Variants in ASIC2 observed in about 807,000 individuals in gnomAD.
The protein encoded by ASIC2 is acid-sensing ion channel 2.
In ASIC2, 25 loss-of-function variants were observed where a neutral mutation model predicts 57.3. The observed-to-expected ratio is 0.44, with a 90% confidence interval of 0.32 to 0.61. ASIC2 has a LOEUF of 0.61. ASIC2 is among the 20% of genes least tolerant of loss of function. The pLI is 0.06. For synonymous variants in ASIC2, 319 were observed against 307.5 expected (o/e 1.04, Z -0.39); for missense variants, 641 against 738.1 (o/e 0.87, Z 1.52).
At chr17:33,951,757 A>T (rs1172625164) in intron 1 of ASIC2, among the ~76,000 whole-genome samples, 25 of 135,606 alleles carry the variant, frequency 1.8e-4, no homozygotes, top group Non-Finnish European at 2.4e-4. Context: ...TAATTTTTGT[A>T]TTTTTTTTTT....
intron 1 of ASIC2, among the ~76,000 whole-genome samples, chr17:34,060,418 A>C (rs1286325624): frequency 6.6e-6 from 1 of 152,228 alleles, no homozygotes; most frequent in African/African-American, 2.4e-5. Context: ...CAACTCTGGT[A>C]ATATGACAAA....
intron 1 of ASIC2, among the ~76,000 whole-genome samples, chr17:33,322,890 G>A (rs1906924874): frequency 6.6e-6 from 1 of 152,186 alleles, no homozygotes; most frequent in Admixed American, 6.5e-5. Context: ...ATGAGCTGAT[G>A]TGTGTACAGT....
At chr17:33,130,214 T>C (rs2092340240) in intron 1 of ASIC2, among the ~76,000 whole-genome samples, 1 of 152,120 alleles carries the variant, frequency 6.6e-6, no homozygotes, top group Admixed American at 6.5e-5. Flanking sequence ...TGCAGGTCAA[T>C]GTACATGAAT....
intron 1 of ASIC2, among the ~76,000 whole-genome samples, chr17:33,585,225 G>A (rs1232923617): frequency 6.6e-6 from 1 of 152,160 alleles, no homozygotes; most frequent in Non-Finnish European, 1.5e-5. Context: ...CTTGAATCAG[G>A]GCAAGAGCCA....
chr17:33,235,382 G>A (rs1908254980), intron 1 of ASIC2, among the ~76,000 whole-genome samples: 1 of 152,206 alleles, frequency 6.6e-6, no homozygotes, highest in Non-Finnish European at 1.5e-5. Flanking sequence ...GACCAGGCCA[G>A]AGGAGAGCTG....
At chr17:33,336,469 C>A (rs1474821092) in intron 1 of ASIC2, among the ~76,000 whole-genome samples, 11 of 152,060 alleles carry the variant, frequency 7.2e-5, no homozygotes, top group Admixed American at 7.2e-4. Context: ...GAGACAAGTG[C>A]CTTCCTCGCC....
At chr17:33,055,578 C>T (rs980499052) in intron 3 of ASIC2, among the ~76,000 whole-genome samples, 1 of 152,164 alleles carries the variant, frequency 6.6e-6, no homozygotes, top group Non-Finnish European at 1.5e-5. Context: ...GTGGCATGAT[C>T]ATAGCTCACT....
At chr17:33,814,468 C>T (rs1216061885) in intron 1 of ASIC2, among the ~76,000 whole-genome samples, 2 of 152,208 alleles carry the variant, frequency 1.3e-5, no homozygotes, top group Non-Finnish European at 1.5e-5. Flanking sequence ...CCATTACAAG[C>T]AGCCTCTAAT....
At chr17:33,199,990 A>G (rs1906793235) in intron 1 of ASIC2, among the ~76,000 whole-genome samples, 1 of 151,944 alleles carries the variant, frequency 6.6e-6, no homozygotes, top group African/African-American at 2.4e-5. Flanking sequence ...GGCACTTACC[A>G]TTCCAGTCCC....
Position 33,902,043 on chromosome 17 carries a change from A to G in ASIC2, c.555+253935T>C, listed in dbSNP as rs548559864. ...ATGTCCCAGACTCTCTTGTACCTAG[A>G]CATCTGGCTGTGAGCAAGGTTCTCT... On this transcript the variant is annotated intron_variant, in intron 1 of 9. Coordinates refer to the ASIC2 transcript ENST00000359872. Among the ~76,000 whole-genome samples the G allele has an allele frequency of 3.3e-4, 50 of 152,274 alleles. 2 individuals are homozygous for G. The South Asian group carries it at 0.01, about 32-fold the overall frequency.
intron 1 of ASIC2, among the ~76,000 whole-genome samples, chr17:33,805,846 C>T (rs1912252901): frequency 6.6e-6 from 1 of 152,202 alleles, no homozygotes; most frequent in Non-Finnish European, 1.5e-5. Context: ...ACACACACAA[C>T]ATCCCTTGGA....
At chr17:34,098,779 A>G (rs1910636496) in intron 1 of ASIC2, among the ~76,000 whole-genome samples, 1 of 152,012 alleles carries the variant, frequency 6.6e-6, no homozygotes, top group South Asian at 2.1e-4. Context: ...CTGAACACTC[A>G]TTTTTTTCTC....
At chr17:33,070,043 C>A (rs2092061440) in intron 3 of ASIC2, among the ~76,000 whole-genome samples, 1 of 152,110 alleles carries the variant, frequency 6.6e-6, no homozygotes, top group African/African-American at 2.4e-5. Context: ...TCAGTTTGCT[C>A]TTTTAGTGGC....
chr17:33,674,173 G>A (rs1000667381), intron 1 of ASIC2, among the ~76,000 whole-genome samples: 9 of 152,168 alleles, frequency 5.9e-5, no homozygotes, highest in South Asian at 2.1e-4. Context: ...GATTACAGGC[G>A]TGAGCCACCG....
At chr17:33,965,719 G>C (rs1167343234) in intron 1 of ASIC2, among the ~76,000 whole-genome samples, 1 of 152,190 alleles carries the variant, frequency 6.6e-6, no homozygotes. Flanking sequence ...GACGGAGCCT[G>C]GATCAATTCC....
chr17:33,125,297 T>C (rs1162072224), intron 1 of ASIC2, among the ~76,000 whole-genome samples: 4 of 152,222 alleles, frequency 2.6e-5, no homozygotes, highest in South Asian at 2.1e-4. Context: ...AGAGAGAGCA[T>C]AGGCTTTGGA....
intron 1 of ASIC2, among the ~76,000 whole-genome samples, chr17:33,761,644 C>T (rs1368086256): frequency 2.6e-5 from 4 of 152,064 alleles, no homozygotes; most frequent in African/African-American, 9.7e-5. Flanking sequence ...ATGCCATGGC[C>T]AAGAACACAA....
intron 1 of ASIC2, among the ~76,000 whole-genome samples, chr17:33,529,379 A>G (rs1914980845): frequency 6.6e-6 from 1 of 152,146 alleles, no homozygotes; most frequent in Non-Finnish European, 1.5e-5. Context: ...CAAGGATGGT[A>G]CAGAGCGCGT....
chr17:33,973,852 G>A (rs994165279), intron 1 of ASIC2, among the ~76,000 whole-genome samples: 5 of 152,136 alleles, frequency 3.3e-5, no homozygotes, highest in Non-Finnish European at 5.9e-5. Context: ...CCCAAACAGG[G>A]CCTGCTTGGT....
Sources: gnomAD v4.1 joint callset for allele counts (sites outside exome capture counted in the v4.1 genomes callset) on GRCh38, gnomAD v4.1.1 for gene constraint, MANE v1.5 for transcripts, NCBI Gene and HGNC (gene_info 2026-07-23, HGNC 2026-07-21) for gene names.